The following NTRK3 variants were observed in gnomAD, a reference collection of about 807,000 sequenced individuals.
NTRK3 encodes NT-3 growth factor receptor.
In NTRK3, 24 loss-of-function variants were observed where a neutral mutation model predicts 91.7. The ratio of observed to expected loss-of-function variants is 0.26; its 90% CI spans 0.19 to 0.37. The LOEUF is 0.37. Ranked by LOEUF, NTRK3 falls within the 10% of genes least tolerant of loss-of-function variation. NTRK3 has a pLI of 1.00. For synonymous variants in NTRK3, 483 were observed against 404.0 expected, an observed-to-expected ratio of 1.20 and a Z score of -2.34; for missense variants, 880 against 1,068.9, an observed-to-expected ratio of 0.82 and a Z score of 2.46.
intron 13 of NTRK3, among the ~76,000 whole-genome samples, chr15:88,040,633 A>G (rs1277549199): frequency 6.6e-6 from 1 of 152,180 alleles, no homozygotes; most frequent in East Asian, 1.9e-4. Context: ...GATCATTGAC[A>G]ATCCTCAGAA....
chr15:88,183,640 C>T, intron 4 of NTRK3, 151 bp from the exon 5 acceptor site: 4 of 798,242 alleles, frequency 5.0e-6, no homozygotes, highest in Non-Finnish European at 8.6e-6. Flanking sequence ...TCACAGGTGG[C>T]CTGCTGGGGT....
intron 17 of NTRK3, chr15:87,908,538 A>C (rs867717887): frequency 2.5e-5 from 10 of 399,334 alleles, no homozygotes; most frequent in African/African-American, 1.9e-4. Context: ...CACCACACTG[A>C]ACGGGCCCTT....
intron 11 of NTRK3, among the ~76,000 whole-genome samples, chr15:88,127,831 C>T (rs2053452689): frequency 6.6e-6 from 1 of 152,190 alleles, no homozygotes. Context: ...GGAAACACCA[C>T]CTTTACCCAG....
chr15:87,920,199 A>T (rs555087741), intron 17 of NTRK3, among the ~76,000 whole-genome samples: 17 of 152,350 alleles, frequency 1.1e-4, no homozygotes, highest in African/African-American at 4.1e-4. Flanking sequence ...TAGTGTGCAG[A>T]TCCACTGGCT....
chr15:88,108,866 T>C (rs2051002537), intron 13 of NTRK3, among the ~76,000 whole-genome samples: 1 of 152,150 alleles, frequency 6.6e-6, no homozygotes, highest in African/African-American at 2.4e-5. Context: ...AGAATCTGCA[T>C]CATAACAAGA....
At chr15:87,970,728 G>A (rs1441651466) in intron 14 of NTRK3, among the ~76,000 whole-genome samples, 2 of 152,170 alleles carry the variant, frequency 1.3e-5, no homozygotes, top group African/African-American at 2.4e-5. Flanking sequence ...GGCATATCAT[G>A]AGACTAAGGA....
intron 13 of NTRK3, among the ~76,000 whole-genome samples, chr15:88,107,120 T>C (rs557731306): frequency 6.6e-6 from 1 of 152,222 alleles, no homozygotes; most frequent in East Asian, 1.9e-4. Flanking sequence ...TCTAGATTTT[T>C]ATATAATGAA....
chr15:87,916,095 TTCCTCC>T (rs369516733), intron 17 of NTRK3, among the ~76,000 whole-genome samples: 1 of 152,036 alleles, frequency 6.6e-6, no homozygotes, highest in East Asian at 1.9e-4. Flanking sequence ...AGTCTTCTGA[TTCCTCC>T]TCCTCCTCCT....
chr15:88,229,935 G>A (rs62024260), intron 3 of NTRK3, among the ~76,000 whole-genome samples: 2,224 of 152,342 alleles, frequency 0.015, 31 homozygotes, highest in South Asian at 0.022. Flanking sequence ...CCATTGTACA[G>A]AACTGGGTAG....
At chr15:88,141,270 G>A (rs1310357810) in intron 6 of NTRK3, among the ~76,000 whole-genome samples, 4 of 152,294 alleles carry the variant, frequency 2.6e-5, no homozygotes, top group Non-Finnish European at 5.9e-5. Context: ...GAACATAATA[G>A]ACATTATAGG....
chr15:88,090,643 T>A (rs1597249093), intron 13 of NTRK3, among the ~76,000 whole-genome samples: 1 of 152,134 alleles, frequency 6.6e-6, no homozygotes, highest in Non-Finnish European at 1.5e-5. Context: ...GTCAAACAGA[T>A]AACAAGTTCA....
intron 3 of NTRK3, among the ~76,000 whole-genome samples, chr15:88,204,759 C>A (rs960536384): frequency 6.6e-6 from 1 of 152,206 alleles, no homozygotes; most frequent in Non-Finnish European, 1.5e-5. Context: ...TGAAGGGAAG[C>A]GAGGCTGCAG....
chr15:87,954,007 AGT>A (rs61653896), intron 14 of NTRK3, among the ~76,000 whole-genome samples: 28,974 of 127,310 alleles, frequency 0.23, 2,975 homozygotes, highest in Non-Finnish European at 0.28. Flanking sequence ...AGACCTTTTC[AGT>A]GTGTGTGTGT....
At chr15:88,121,609 T>C (rs1055379071) in intron 13 of NTRK3, among the ~76,000 whole-genome samples, 2 of 152,202 alleles carry the variant, frequency 1.3e-5, no homozygotes, top group Admixed American at 6.5e-5. Flanking sequence ...TTTATATGTT[T>C]CTGTAGCTGC....
At chr15:88,137,291 G>C (rs1309917920) in intron 7 of NTRK3, 113 bp downstream of exon 7, 2 of 1,243,520 alleles carry the variant, frequency 1.6e-6, no homozygotes, top group African/African-American at 1.5e-5. Context: ...TTCAAGGCTG[G>C]GAGGGCGTTT....
chr15:88,065,701 C>T (rs539364109), intron 13 of NTRK3, among the ~76,000 whole-genome samples: 6 of 152,242 alleles, frequency 3.9e-5, no homozygotes, highest in South Asian at 2.1e-4. Context: ...GAACTGTTTC[C>T]GTCTTATTTA....
At chr15:88,186,031 C>A (rs763976538) in intron 3 of NTRK3, among the ~76,000 whole-genome samples, 1 of 152,140 alleles carries the variant, frequency 6.6e-6, no homozygotes, top group Non-Finnish European at 1.5e-5. Context: ...GTGGTCTGGT[C>A]TCACCATGGC....
intron 14 of NTRK3, among the ~76,000 whole-genome samples, chr15:87,999,943 C>A (rs999898749): frequency 6.6e-6 from 1 of 152,224 alleles, no homozygotes; most frequent in Non-Finnish European, 1.5e-5. Flanking sequence ...TCCTGACCCA[C>A]AGACTTAGGG....
At chr15:88,256,196 G>T (rs1279265865) in intron 2 of NTRK3, 28 bp from the exon 3 acceptor site, 1 of 1,392,796 alleles carries the variant, frequency 7.2e-7, no homozygotes, top group African/African-American at 1.5e-5. Context: ...GAGAGGAGAG[G>T]GGGGTGGGGT....
Sources: gnomAD v4.1 joint callset for allele counts (sites outside exome capture counted in the v4.1 genomes callset) on GRCh38, gnomAD v4.1.1 for gene constraint, MANE v1.5 for transcripts, NCBI Gene and HGNC (gene_info 2026-07-23, HGNC 2026-07-21) for gene names.